Variants in NDRG2 observed in about 807,000 individuals in gnomAD.
NDRG2 encodes NDRG family member 2.
Under a neutral mutation model 58.2 loss-of-function variants are expected in NDRG2, and 34 were observed. That is an observed-to-expected ratio of 0.58 (90% CI 0.44 to 0.78). The LOEUF (loss-of-function observed/expected upper bound fraction) is 0.78, where lower values mean the gene tolerates loss of function less well. NDRG2 is among the 30% of genes least tolerant of loss of function. NDRG2 has a pLI of 0.00. For missense variants in NDRG2, 434 were observed against 471.2 expected, an observed-to-expected ratio of 0.92 and a Z score of 0.73; for synonymous variants, 187 against 175.9, an observed-to-expected ratio of 1.06 and a Z score of -0.50.
Position 21,017,421 on chromosome 14 carries a change from G to T in NDRG2, c.*175C>A, listed in dbSNP as rs1333513662. The T allele has an allele frequency of 4.2e-6, 3 of 712,788 alleles. No homozygotes were observed. The highest frequency in any genetic ancestry group is 6.9e-6 in the Non-Finnish European group (3 of 433,978). 44.2% of individuals were successfully genotyped at this position (712,788 alleles called of 1,614,324 possible). On this transcript the variant is annotated 3_prime_UTR_variant, in exon 16 of 16. Transcript: ENST00000556147. ...TTAGGACATCTCTTCCAGGAGCTGGGGGGAATCACGGGTTAAAGGTCAAGG... is the reference window on the plus strand; with the variant it reads ...TTAGGACATCTCTTCCAGGAGCTGGTGGGAATCACGGGTTAAAGGTCAAGG...
chr14:21,021,945 C>G, intron 5 of NDRG2, 66 bp from the exon 6 acceptor site: 2 of 1,611,414 alleles, frequency 1.2e-6, no homozygotes, highest in Non-Finnish European at 1.7e-6. Context: ...TCAGGATGTC[C>G]TACTCATTCT....
chr14:21,066,891 A>C (rs1377422886), intron 1 of NDRG2, among the ~76,000 whole-genome samples: 1 of 152,250 alleles, frequency 6.6e-6, no homozygotes, highest in East Asian at 1.9e-4. Flanking sequence ...CATATCACAC[A>C]GATTTTTTAC....
At chr14:21,020,274 A>C in intron 8 of NDRG2, 1 of 550,962 alleles carries the variant, frequency 1.8e-6, no homozygotes, top group Non-Finnish European at 3.2e-6. Flanking sequence ...AGCCTTGGCA[A>C]CAGAGTGAGA....
chr14:21,030,974 A>G, intron 1 of NDRG2: 1 of 1,577,238 alleles, frequency 6.3e-7, no homozygotes, highest in Non-Finnish European at 8.6e-7. Context: ...TAATGCATTC[A>G]TGCTCCAAAG....
Position 21,023,058 on chromosome 14 carries a change from G to A in NDRG2, c.76-153C>T, listed in dbSNP as rs537755698. 3.5e-5 allele frequency: 36 copies of A among 1,029,492 alleles called. No homozygotes were observed. The South Asian group carries it at 4.8e-4, about 14-fold the overall frequency. 63.8% of individuals were successfully genotyped at this position (1,029,492 alleles called of 1,614,324 possible). ...CAAAGAGAGACACGGAAAGGATGAA[G>A]GTTAGTGTAGTGACGAGACAAGGGC... On this transcript the variant is annotated intron_variant, in intron 2 of 15. Transcript: ENST00000556147.
intron 1 of NDRG2, chr14:21,034,355 C>A: frequency 3.5e-6 from 4 of 1,142,268 alleles, no homozygotes; most frequent in Non-Finnish European, 5.1e-6. Flanking sequence ...TCTGCCACAT[C>A]CCAGAGCCTC....
At chr14:21,049,311 A>T (rs1257512324) in intron 1 of NDRG2, among the ~76,000 whole-genome samples, 1 of 152,138 alleles carries the variant, frequency 6.6e-6, no homozygotes. Flanking sequence ...TTCATTTTTC[A>T]TCACTCAAAA....
intron 10 of NDRG2, 24 bp downstream of exon 10, chr14:21,019,615 T>G: frequency 6.7e-7 from 1 of 1,485,414 alleles, no homozygotes; most frequent in South Asian, 1.2e-5. Context: ...TTCTCTCACA[T>G]GCATACACAC....
At chr14:21,058,106 C>G (rs1885763953) in intron 1 of NDRG2, 2 of 1,614,212 alleles carry the variant, frequency 1.2e-6, no homozygotes, top group African/African-American at 2.7e-5. Flanking sequence ...CACCTTCCTG[C>G]ACGAGCCCTT....
At chr14:21,030,918 C>G in intron 1 of NDRG2, 1 of 1,535,046 alleles carries the variant, frequency 6.5e-7, no homozygotes, top group Non-Finnish European at 8.8e-7. Context: ...ATTGATAGGA[C>G]AAAAGAGGCC....
intron 7 of NDRG2, 43 bp from the exon 8 acceptor site, chr14:21,020,625 C>T (rs1436781094): frequency 1.9e-6 from 3 of 1,599,150 alleles, no homozygotes; most frequent in East Asian, 2.2e-5. Context: ...CAGGGCATGG[C>T]CTTATCCCCT....
chr14:21,057,967 C>A (rs372625759), intron 1 of NDRG2: 3 of 1,613,966 alleles, frequency 1.9e-6, no homozygotes, highest in Non-Finnish European at 2.5e-6. Context: ...AGGTCCTAGT[C>A]AGAGCCAAGC....
intron 1 of NDRG2, among the ~76,000 whole-genome samples, chr14:21,062,732 T>TGTGTGTGTGTGA (rs1886031257): frequency 6.6e-6 from 1 of 150,720 alleles, no homozygotes; most frequent in African/African-American, 2.4e-5. Context: ...TGTGTGTGTG[T>TGTGTGTGTGTGA]GTGTGTGTGT....
intron 1 of NDRG2, among the ~76,000 whole-genome samples, chr14:21,055,506 G>C (rs540954004): frequency 6.6e-6 from 1 of 152,162 alleles, no homozygotes; most frequent in Non-Finnish European, 1.5e-5. Context: ...TGTGGCAGTG[G>C]GGAAAACTCA....
upstream of NDRG2, chr14:21,030,643 G>C (rs1447654675): frequency 1.2e-6 from 2 of 1,609,936 alleles, no homozygotes; most frequent in Non-Finnish European, 1.7e-6. Flanking sequence ...TCATCAAGCA[G>C]TGGCACTGAA....
Position 21,024,899 on chromosome 14 carries a change from CG to C in NDRG2, c.-877del. On this transcript the variant is annotated 5_prime_UTR_variant, in exon 1 of 16. Coordinates refer to ENST00000556147, the MANE Select transcript of NDRG2 (RefSeq NM_001320329.2). ...AGCCTCAGCCTTTGTGCGCAGCAAC[CG>C]AGCGCCCGCTCCGTGCTGGCCCTTT... The C allele has an allele frequency of 1.0e-6, 1 of 985,588 alleles. No homozygotes were observed. Among genetic ancestry groups the C allele is most frequent in the Non-Finnish European group, 1.2e-6 (1 of 830,050 alleles). 61.1% of individuals were successfully genotyped at this position (985,588 alleles called of 1,614,324 possible).
In NDRG2 at chr14:21,025,009, TC is replaced by T. The variant is rs973886567; in HGVS notation, c.-987del. 7.5e-4 allele frequency: 739 copies of T among 984,810 alleles called. 4 individuals are homozygous for T. In the African/African-American group the frequency reaches 0.012, roughly 16 times the overall value. The allele number at this position is 984,810 out of a possible 1,614,324, so 61.0% of individuals were successfully genotyped here. Reference sequence around the variant, plus strand: ...GGCGCCTTCCAGGCCCTACGGCCCCTCGCCTGCCCCTCCCCCTACCTGCTGC... The same window carrying T: ...GGCGCCTTCCAGGCCCTACGGCCCCTGCCTGCCCCTCCCCCTACCTGCTGC... On this transcript the variant is annotated 5_prime_UTR_variant, in exon 1 of 16. Coordinates refer to ENST00000556147, the MANE Select transcript of NDRG2 (RefSeq NM_001320329.2). The surrounding 1 kb of genome is among the most constrained non-coding windows in gnomAD (Gnocchi z 5.1).
In NDRG2 at chr14:21,062,708, A is replaced by AGTGTGTGTGTGTGTGTGTGTGTGTGTGT. The variant is rs71416997; in HGVS notation, c.24+8092_24+8119dup. On this transcript the variant is annotated intron_variant, in intron 1 of 14. Transcript: ENST00000403829. ...AATGTAAACAAAACAGGCTGGGCAC[A>AGTGTGTGTGTGTGTGTGTGTGTGTGTGT]GTGTGTGTGTGTGTGTGTGTGTGTG... Among the ~76,000 whole-genome samples, 390 of 131,030 alleles carry AGTGTGTGTGTGTGTGTGTGTGTGTGTGT rather than the reference A, an allele frequency of 3.0e-3. 5 individuals are homozygous for AGTGTGTGTGTGTGTGTGTGTGTGTGTGT. Among genetic ancestry groups the AGTGTGTGTGTGTGTGTGTGTGTGTGTGT allele is most frequent in the East Asian group, 0.012 (54 of 4,342 alleles). 86.0% of individuals were successfully genotyped at this position (131,030 alleles called of 152,430 possible). A position where few individuals can be genotyped will look rare whatever the true frequency, so the allele number is the denominator to read the frequency against.
intron 1 of NDRG2, among the ~76,000 whole-genome samples, chr14:21,062,786 T>C (rs976785820): frequency 1.4e-5 from 2 of 147,338 alleles, no homozygotes; most frequent in Non-Finnish European, 3.0e-5. Flanking sequence ...TTGTCCAGGC[T>C]GGAGTAGTGC....
Sources: allele counts gnomAD v4.1 joint callset (sites outside exome capture counted in the v4.1 genomes callset), GRCh38; gene constraint gnomAD v4.1.1; non-coding constraint Gnocchi (gnomAD v3.1); transcripts MANE v1.5; gene names NCBI Gene and HGNC (gene_info 2026-07-23, HGNC 2026-07-21).